The following NKAIN3 variants were observed in gnomAD, a reference collection of about 807,000 sequenced individuals.
The protein encoded by NKAIN3 is sodium/potassium-transporting ATPase subunit beta-1-interacting protein 3.
A neutral mutation model predicts 30.2 loss-of-function variants in NKAIN3; 25 were observed. The ratio of observed to expected loss-of-function variants is 0.83; its 90% CI spans 0.60 to 1.16. The LOEUF (loss-of-function observed/expected upper bound fraction) is 1.16. Ranked by LOEUF, NKAIN3 falls within the 50% of genes most tolerant of loss-of-function variation. The pLI is 0.00. For missense variants in NKAIN3, 225 were observed against 254.1 expected (o/e 0.89, Z 0.78); for synonymous variants, 91 against 89.6 (o/e 1.02, Z -0.09).
chr8:62,486,277 G>T (rs1476825142), intron 1 of NKAIN3, among the ~76,000 whole-genome samples: 2 of 152,116 alleles, frequency 1.3e-5, no homozygotes, highest in Admixed American at 1.3e-4. Context: ...AGGCAGGCCG[G>T]TATCAGAGTT....
At chr8:62,346,900 A>G (rs960483231) in intron 1 of NKAIN3, among the ~76,000 whole-genome samples, 3 of 152,148 alleles carry the variant, frequency 2.0e-5, no homozygotes, top group Non-Finnish European at 4.4e-5. Flanking sequence ...CAAATGAATG[A>G]CATAACATCC....
At chr8:62,416,923 C>T (rs765575649) in intron 1 of NKAIN3, among the ~76,000 whole-genome samples, 62 of 151,548 alleles carry the variant, frequency 4.1e-4, no homozygotes, top group Non-Finnish European at 8.2e-4. Flanking sequence ...ACCTGGGAGG[C>T]GGAGGCTGCA....
chr8:62,263,761 C>T (rs1261508631), intron 1 of NKAIN3, among the ~76,000 whole-genome samples: 1 of 152,134 alleles, frequency 6.6e-6, no homozygotes. Flanking sequence ...CATCTGTAGA[C>T]CTAAGGAATA....
chr8:62,417,698 T>C (rs1804492718), intron 1 of NKAIN3, among the ~76,000 whole-genome samples: 1 of 152,132 alleles, frequency 6.6e-6, no homozygotes. Flanking sequence ...ATTGTAGTTT[T>C]GATTTAAATT....
In NKAIN3 at chr8:62,692,100, G is replaced by A. The variant is rs533258410; in HGVS notation, c.274-54832G>A. On this transcript the variant is annotated intron_variant, in intron 3 of 6. Transcript: ENST00000623646. ...TTTTTGTCCAGTCATGGCAGGTTCC[G>A]AGAGAGAAGGATCTCAAGGCCACTT... Among the ~76,000 whole-genome samples the A allele has an allele frequency of 3.9e-5, 6 of 152,242 alleles. No individual in the cohort carries two copies. The South Asian group carries it at 1.0e-3, about 26-fold the overall frequency.
At chr8:62,837,694 A>T (rs1321332174) in intron 4 of NKAIN3, among the ~76,000 whole-genome samples, 1 of 152,176 alleles carries the variant, frequency 6.6e-6, no homozygotes, top group Non-Finnish European at 1.5e-5. Flanking sequence ...ATGCAATGTC[A>T]AATAATTTTC....
intron 1 of NKAIN3, among the ~76,000 whole-genome samples, chr8:62,274,645 G>T (rs1160280450): frequency 6.6e-6 from 1 of 151,872 alleles, no homozygotes; most frequent in Non-Finnish European, 1.5e-5. Context: ...TGCACAATGT[G>T]CAGGTTTGTT....
At chr8:62,450,684 G>A (rs1026505708) in intron 1 of NKAIN3, among the ~76,000 whole-genome samples, 2 of 152,140 alleles carry the variant, frequency 1.3e-5, no homozygotes, top group African/African-American at 4.8e-5. Flanking sequence ...TGAAGCCCAG[G>A]CAGTGTAGCT....
intron 1 of NKAIN3, among the ~76,000 whole-genome samples, chr8:62,252,485 G>C (rs1310812082): frequency 1.3e-5 from 2 of 152,132 alleles, no homozygotes; most frequent in Non-Finnish European, 2.9e-5. Flanking sequence ...GTTTCGGTTT[G>C]CAAAATCTCA....
chr8:62,588,771 C>T (rs934971196), intron 2 of NKAIN3, among the ~76,000 whole-genome samples: 3 of 151,790 alleles, frequency 2.0e-5, no homozygotes, highest in Non-Finnish European at 4.4e-5. Flanking sequence ...ATTAAGAATT[C>T]ATTCATTTTT....
At chr8:62,704,424 G>A (rs1814450006) in intron 3 of NKAIN3, among the ~76,000 whole-genome samples, 1 of 152,046 alleles carries the variant, frequency 6.6e-6, no homozygotes, top group African/African-American at 2.4e-5. Flanking sequence ...TTCATCATTA[G>A]GGTGTCTGTT....
intron 4 of NKAIN3, among the ~76,000 whole-genome samples, chr8:62,766,721 T>C (rs1305329354): frequency 1.3e-5 from 2 of 152,124 alleles, no homozygotes; most frequent in Admixed American, 6.5e-5. Context: ...TCCCCTCAAT[T>C]TGGAGTGTGT....
intron 4 of NKAIN3, among the ~76,000 whole-genome samples, chr8:62,913,898 G>C (rs1004027364): frequency 1.3e-5 from 2 of 152,160 alleles, no homozygotes; most frequent in Admixed American, 1.3e-4. Flanking sequence ...TTTGGTGGGA[G>C]AGTAAATTAG....
chr8:62,577,322 C>T (rs1810142464), intron 1 of NKAIN3, among the ~76,000 whole-genome samples: 1 of 151,784 alleles, frequency 6.6e-6, no homozygotes, highest in Admixed American at 6.6e-5. Context: ...CTTTCATTAC[C>T]TGTGTTTTCT....
At chr8:62,595,382 C>CTTTTTTTT (rs1181598520) in intron 3 of NKAIN3, among the ~76,000 whole-genome samples, 50 of 109,896 alleles carry the variant, frequency 4.5e-4, no homozygotes, top group African/African-American at 5.6e-4. Context: ...GGGCTATTTT[C>CTTTTTTTT]TTTTTTTTTT....
intron 5 of NKAIN3, among the ~76,000 whole-genome samples, chr8:62,938,239 A>G (rs1306679474): frequency 6.6e-6 from 1 of 152,044 alleles, no homozygotes; most frequent in Non-Finnish European, 1.5e-5. Flanking sequence ...TCCCTATACT[A>G]CTACAGCTGA....
intron 1 of NKAIN3, among the ~76,000 whole-genome samples, chr8:62,328,385 G>T (rs1386147274): frequency 6.6e-6 from 1 of 152,016 alleles, no homozygotes; most frequent in Non-Finnish European, 1.5e-5. Context: ...CTTTTAATCA[G>T]CTTAAATGTT....
intron 4 of NKAIN3, chr8:62,855,559 C>A (rs1820037006): frequency 1.3e-6 from 2 of 1,549,806 alleles, no homozygotes; most frequent in Non-Finnish European, 1.8e-6. Context: ...CCAGGGAGTC[C>A]AATCTTTTAT....
chr8:62,335,618 A>T (rs1815522625), intron 1 of NKAIN3, among the ~76,000 whole-genome samples: 1 of 151,958 alleles, frequency 6.6e-6, no homozygotes, highest in African/African-American at 2.4e-5. Flanking sequence ...TCCCCACAAC[A>T]TATAATGGTC....
Sources: gnomAD v4.1 joint callset for allele counts (sites outside exome capture counted in the v4.1 genomes callset) on GRCh38, gnomAD v4.1.1 for gene constraint, MANE v1.5 for transcripts, NCBI Gene and HGNC (gene_info 2026-07-23, HGNC 2026-07-21) for gene names.